Variants in PGRMC2 observed in about 807,000 individuals in gnomAD.
The protein encoded by PGRMC2 is progesterone receptor membrane component 2, also known as membrane-associated progesterone receptor component 2.
PGRMC2 carries 9 observed loss-of-function variants against 19.3 expected under a neutral mutation model. The ratio of observed to expected loss-of-function variants is 0.47; its 90% CI spans 0.28 to 0.81. The LOEUF (loss-of-function observed/expected upper bound fraction) is 0.81, where lower values mean the gene tolerates loss of function less well. PGRMC2 is among the 40% of genes least tolerant of loss of function. The pLI, the probability that PGRMC2 is intolerant of heterozygous loss-of-function variation, is 0.11. For missense variants in PGRMC2, 289 were observed against 297.3 expected (o/e 0.97, Z 0.21); for synonymous variants, 157 against 124.6 (o/e 1.26, Z -1.73).
chr4:128,281,353 T>A (rs187433662), intron 1 of PGRMC2, among the ~76,000 whole-genome samples: 1 of 152,170 alleles, frequency 6.6e-6, no homozygotes, highest in Non-Finnish European at 1.5e-5. Context: ...CTTTTTCAAA[T>A]TGACACTAAA....
rs41299539 is a variant in PGRMC2, at chr4:128,271,116, A to G, written c.*200T>C. ...ATGATGAAGCCCCACTAGACATTAC[A>G]AACAACTGCAACAAATGAGTTTGGC... is the stretch of plus-strand genomic sequence containing the variant. On this transcript the variant is annotated 3_prime_UTR_variant, in exon 3 of 3. Coordinates refer to ENST00000296425, the MANE Select transcript of PGRMC2 (RefSeq NM_006320.6). 7.1e-5 allele frequency: 29 copies of G among 405,734 alleles called. No individual in the cohort carries two copies. The East Asian group carries it at 1.1e-3, about 15-fold the overall frequency. 25.1% of individuals were successfully genotyped at this position (405,734 alleles called of 1,614,324 possible).
chr4:128,269,980 A>G lies in PGRMC2; in HGVS notation c.*1336T>C, dbSNP rs1760702090. The G allele has an allele frequency of 6.6e-6, 1 of 152,666 alleles. No homozygotes were observed. Among genetic ancestry groups the G allele is most frequent in the African/African-American group, 2.4e-5 (1 of 41,470 alleles). 9.5% of individuals were successfully genotyped at this position (152,666 alleles called of 1,614,324 possible). ...GTTCCACAAAGTGGAATTTCTTCCT[A>G]AAGTTATGCTGAATGTGGTACAATG... On this transcript the variant is annotated 3_prime_UTR_variant, in exon 3 of 3. Coordinates refer to ENST00000296425, the MANE Select transcript of PGRMC2 (RefSeq NM_006320.6).
intron 1 of PGRMC2, among the ~76,000 whole-genome samples, chr4:128,275,846 C>T (rs1187102409): frequency 1.3e-5 from 2 of 152,154 alleles, no homozygotes; most frequent in Admixed American, 6.5e-5. Flanking sequence ...CTGCCCTAAC[C>T]TCCCAAATAG....
At chr4:128,274,966 A>G (rs886825031) in intron 1 of PGRMC2, among the ~76,000 whole-genome samples, 1 of 152,186 alleles carries the variant, frequency 6.6e-6, no homozygotes, top group African/African-American at 2.4e-5. Flanking sequence ...GATTTGCCTA[A>G]AATTACTGAC....
At position 128,287,643 on chromosome 4, in the gene PGRMC2, C is replaced by T. The variant is rs1476122438; in HGVS notation, c.148G>A (p.Gly50Arg). 6 of 1,537,612 alleles carry T rather than the reference C, an allele frequency of 3.9e-6. No homozygotes were observed. In the South Asian group the frequency reaches 4.8e-5, roughly 12 times the overall value. ...ACGTTCAGCAGCATTTCCCCGCCCC[C>T]CGTCAGAAGCGCCAACGCCGCCGCC... ...WAAAALALLT[G>R]GGEMLLNVAL... is the part of the protein sequence containing the mutation. The change falls in exon 1 of 3, where the codon GGG (glycine) becomes AGG (arginine). Residue 50 changes from glycine to arginine, a missense_variant. Gly to Arg is a moderately radical substitution (Grantham distance 125, BLOSUM62 -2). Transcript: ENST00000296425.
At chr4:128,284,698 T>C (rs1160322564) in intron 1 of PGRMC2, among the ~76,000 whole-genome samples, 1 of 152,232 alleles carries the variant, frequency 6.6e-6, no homozygotes, top group Non-Finnish European at 1.5e-5. Flanking sequence ...AGGGTAGATA[T>C]TGGCTAGGCA....
At chr4:128,272,597 AAAAAAAC>A (rs1379590996) in intron 1 of PGRMC2, 80 bp from the exon 2 acceptor site, 2 of 926,750 alleles carry the variant, frequency 2.2e-6, no homozygotes, top group African/African-American at 3.6e-5. Flanking sequence ...AAAAAAAAAA[AAAAAAAC>A]ACAACAAAGA....
chr4:128,283,333 T>G, intron 1 of PGRMC2, among the ~76,000 whole-genome samples: 1 of 152,194 alleles, frequency 6.6e-6, no homozygotes, highest in Non-Finnish European at 1.5e-5. Flanking sequence ...TGTTTGAAAA[T>G]TAGCGATACT....
intron 1 of PGRMC2, chr4:128,287,170 A>G: frequency 2.2e-6 from 1 of 463,446 alleles, no homozygotes; most frequent in Admixed American, 4.1e-5. Flanking sequence ...GTTTCGGGGG[A>G]AGAACTGGAG....
chr4:128,277,647 C>T (rs561876208), intron 1 of PGRMC2, among the ~76,000 whole-genome samples: 1 of 152,196 alleles, frequency 6.6e-6, no homozygotes, highest in East Asian at 1.9e-4. Context: ...ACTAATAACA[C>T]TTAGTATTGG....
intron 1 of PGRMC2, among the ~76,000 whole-genome samples, chr4:128,277,970 A>G (rs1008318035): frequency 4.6e-5 from 7 of 152,234 alleles, no homozygotes; most frequent in African/African-American, 1.4e-4. Context: ...GTATGATTCT[A>G]TAAGTGACTG....
chr4:128,278,794 G>T (rs1056013425), intron 1 of PGRMC2, among the ~76,000 whole-genome samples: 1 of 152,146 alleles, frequency 6.6e-6, no homozygotes, highest in South Asian at 2.1e-4. Flanking sequence ...CCAAAACTTT[G>T]TGTGGTTCAA....
At chr4:128,283,229 A>G (rs1287930137) in intron 1 of PGRMC2, among the ~76,000 whole-genome samples, 1 of 152,240 alleles carries the variant, frequency 6.6e-6, no homozygotes, top group Non-Finnish European at 1.5e-5. Context: ...ACTATGTTGT[A>G]ATACAATGGG....
At chr4:128,277,445 T>C (rs1760830162) in intron 1 of PGRMC2, among the ~76,000 whole-genome samples, 1 of 152,186 alleles carries the variant, frequency 6.6e-6, no homozygotes, top group South Asian at 2.1e-4. Flanking sequence ...AGTAAATATG[T>C]AGTAACAGAT....
rs72683961 is a variant in PGRMC2 at position 128,285,850 on chromosome 4, A to G, written c.418+1523T>C. ...ATGTATTAACCATTTCAGTTGATAT[A>G]AGTAGGCAGACACCTTGTGTTCACA... On this transcript the variant is annotated intron_variant, in intron 1 of 2. Transcript: ENST00000296425. Among the ~76,000 whole-genome samples, 119 of 152,308 alleles carry G rather than the reference A, an allele frequency of 7.8e-4. 1 individual carries two copies. The highest frequency in any genetic ancestry group is 1.4e-3 in the Non-Finnish European group (93 of 68,024).
At chr4:128,280,051 T>C (rs1327324755) in intron 1 of PGRMC2, among the ~76,000 whole-genome samples, 1 of 152,090 alleles carries the variant, frequency 6.6e-6, no homozygotes, top group Non-Finnish European at 1.5e-5. Context: ...TTAGGGCTCA[T>C]GGAATTTTAC....
chr4:128,271,093 G>T lies in PGRMC2; in HGVS notation c.*223C>A. 1 of 353,330 alleles carries T rather than the reference G, an allele frequency of 2.8e-6. No individual in the cohort carries two copies. 21.9% of individuals were successfully genotyped at this position (353,330 alleles called of 1,614,324 possible). A position where few individuals can be genotyped will look rare whatever the true frequency, so the allele number is the denominator to read the frequency against. On this transcript the variant is annotated 3_prime_UTR_variant, in exon 3 of 3. Coordinates refer to ENST00000296425, the MANE Select transcript of PGRMC2 (RefSeq NM_006320.6). ...ATCCCTGTCTCCTTCTTTTCAGGAT[G>T]ATGAAGCCCCACTAGACATTACAAA...
At position 128,271,361 on chromosome 4, in the gene PGRMC2, T is replaced by C; in HGVS notation, c.627A>G (p.Glu209=). The part of the protein sequence containing the change: ...RLLKPGEEPS[E]YTDEEDTKDH... The stretch of plus-strand genomic sequence containing the variant: ...CCTTGGTATCTTCTTCATCTGTATA[T>C]TCTGATGGTTCTTCTCCTGGTTTTA... Residue 209 remains glutamate (E), a synonymous_variant, in exon 3 of 3, where the codon GAA becomes GAG. Coordinates refer to ENST00000296425, the MANE Select transcript of PGRMC2 (RefSeq NM_006320.6). 1 of 1,607,856 alleles carries C rather than the reference T, an allele frequency of 6.2e-7. No individual in the cohort carries two copies. Among genetic ancestry groups the C allele is most frequent in the African/African-American group, 1.3e-5 (1 of 74,944 alleles).
chr4:128,280,796 G>C (rs1022491155), intron 1 of PGRMC2, among the ~76,000 whole-genome samples: 1 of 151,896 alleles, frequency 6.6e-6, no homozygotes, highest in Non-Finnish European at 1.5e-5. Flanking sequence ...ACAGAGTCTC[G>C]CCATATTGCC....
Sources: gnomAD v4.1 joint callset for allele counts (sites outside exome capture counted in the v4.1 genomes callset) on GRCh38, gnomAD v4.1.1 for gene constraint, MANE v1.5 for transcripts, NCBI Gene and HGNC (gene_info 2026-07-23, HGNC 2026-07-21) for gene names.